Variants in ZNF385D observed in about 807,000 individuals in gnomAD.
ZNF385D encodes the protein zinc finger protein 385D, also known as zinc finger protein 659.
Under a neutral mutation model 35.8 loss-of-function variants are expected in ZNF385D, and 15 were observed. The ratio of observed to expected loss-of-function variants is 0.42; its 90% CI spans 0.28 to 0.64. The LOEUF is 0.64. ZNF385D is among the 30% of genes least tolerant of loss of function. The pLI, the probability that ZNF385D is intolerant of heterozygous loss-of-function variation, is 0.23. For missense variants in ZNF385D, 474 were observed against 494.6 expected, an observed-to-expected ratio of 0.96 and a Z score of 0.39; for synonymous variants, 212 against 186.8, an observed-to-expected ratio of 1.13 and a Z score of -1.10.
chr3:22,069,026 T>C (rs964975201), intron 3 of ZNF385D, among the ~76,000 whole-genome samples: 3 of 152,232 alleles, frequency 2.0e-5, no homozygotes, highest in African/African-American at 7.2e-5. Flanking sequence ...AGTGTTTTAC[T>C]GTCACAAGAT....
intron 1 of ZNF385D, among the ~76,000 whole-genome samples, chr3:21,714,998 GAATAT>G (rs1246420598): frequency 6.6e-5 from 10 of 152,060 alleles, no homozygotes; most frequent in Non-Finnish European, 1.3e-4. Context: ...CAAAATTCCT[GAATAT>G]AATACAGGAT....
intron 4 of ZNF385D, among the ~76,000 whole-genome samples, chr3:21,458,703 C>A (rs1462711925): frequency 6.6e-6 from 1 of 151,220 alleles, no homozygotes; most frequent in Non-Finnish European, 1.5e-5. Context: ...CACAAAATAC[C>A]AGGTATTCTG....
At chr3:21,849,605 C>CTTTTTTTTTTTTT (rs3073866) in intron 3 of ZNF385D, 1 of 108,202 alleles carries the variant, frequency 9.2e-6, no homozygotes, top group Admixed American at 1.1e-4. Context: ...AAACCCATTT[C>CTTTTTTTTTTTTT]TTTTTTTTTT....
intron 4 of ZNF385D, 26 bp from the exon 5 acceptor site, chr3:21,437,229 AG>A: frequency 6.3e-7 from 1 of 1,587,562 alleles, no homozygotes; most frequent in Non-Finnish European, 8.6e-7. Flanking sequence ...CACAGAAAAA[AG>A]GGGGAAAAAC....
intron 2 of ZNF385D, among the ~76,000 whole-genome samples, chr3:22,255,904 T>C (rs1700290615): frequency 6.6e-6 from 1 of 151,688 alleles, no homozygotes; most frequent in African/African-American, 2.4e-5. Context: ...TGGGTGTGTC[T>C]GTGAGGGTGT....
Position 22,308,893 on chromosome 3 carries a change from A to G in ZNF385D, c.106+63557T>C, listed in dbSNP as rs564105831. Among the ~76,000 whole-genome samples, 32 of 152,246 alleles carry G rather than the reference A, an allele frequency of 2.1e-4. No homozygotes were observed. The South Asian group carries it at 6.6e-3, about 32-fold the overall frequency. On this transcript the variant is annotated intron_variant, in intron 2 of 5. Coordinates refer to the ZNF385D transcript ENST00000494108. ...ACAAATACAGCCAAAATCCTTCTGC[A>G]GATTGCAAGTTAATAAATTTGAAAA...
chr3:21,778,985 T>C lies in ZNF385D; in HGVS notation c.326-113957A>G, dbSNP rs1295620376. Among the ~76,000 whole-genome samples, 2 of 152,026 alleles carry C rather than the reference T, an allele frequency of 1.3e-5. 1 individual carries two copies. ...GCAGTGAGAACTAAATTTTGCCCCA[T>C]GGAGAACCAGGTTGGAAAAGGAGAT... On this transcript the variant is annotated intron_variant, in intron 3 of 5. Coordinates refer to the ZNF385D transcript ENST00000494108.
chr3:22,000,950 C>A (rs1695802431), intron 3 of ZNF385D, among the ~76,000 whole-genome samples: 1 of 150,210 alleles, frequency 6.7e-6, no homozygotes, highest in South Asian at 2.1e-4. Flanking sequence ...TATCTGCCAT[C>A]ATAAAAATAT....
chr3:21,635,237 C>T (rs1186773347), intron 2 of ZNF385D, among the ~76,000 whole-genome samples: 1 of 151,974 alleles, frequency 6.6e-6, no homozygotes, highest in African/African-American at 2.4e-5. Flanking sequence ...ATGTGTTCCA[C>T]AAATGTCATT....
intron 3 of ZNF385D, among the ~76,000 whole-genome samples, chr3:22,046,641 T>C (rs1451260039): frequency 3.3e-5 from 5 of 152,166 alleles, no homozygotes; most frequent in African/African-American, 4.8e-5. Flanking sequence ...TTGAGATTTA[T>C]TGAATTACAT....
intron 2 of ZNF385D, among the ~76,000 whole-genome samples, chr3:22,332,302 G>A (rs1694975600): frequency 6.6e-6 from 1 of 152,226 alleles, no homozygotes; most frequent in Admixed American, 6.5e-5. Flanking sequence ...TAGTGAGTCA[G>A]TTTTCAGTAA....
intron 3 of ZNF385D, among the ~76,000 whole-genome samples, chr3:21,764,340 C>T (rs1249593536): frequency 2.0e-5 from 3 of 152,116 alleles, no homozygotes; most frequent in Non-Finnish European, 2.9e-5. Context: ...ATTTGAAAAA[C>T]CACAAAGGAT....
In ZNF385D at chr3:22,166,254, T is replaced by C. The variant is rs368684437; in HGVS notation, c.325+2563A>G. On this transcript the variant is annotated intron_variant, in intron 3 of 5. Coordinates refer to the ZNF385D transcript ENST00000494108. ...TACTAACATGACGATACTTAAAACG[T>C]CTTGGGGAAAAAATCTGAATAGGAA... Among the ~76,000 whole-genome samples, 3 of 133,946 alleles carry C rather than the reference T, an allele frequency of 2.2e-5. No individual in the cohort carries two copies. In the South Asian group the frequency reaches 7.3e-4, roughly 32 times the overall value. The allele number at this position is 133,946 out of a possible 152,430, so 87.9% of individuals were successfully genotyped here.
chr3:21,512,145 C>CAA (rs35276805), intron 3 of ZNF385D, among the ~76,000 whole-genome samples: 26,836 of 89,954 alleles, frequency 0.3, 4,607 homozygotes, highest in East Asian at 0.52. Flanking sequence ...GACTCCATCT[C>CAA]AAAAAAAAAA....
intron 2 of ZNF385D, among the ~76,000 whole-genome samples, chr3:22,351,981 T>C (rs1190998892): frequency 6.6e-6 from 1 of 152,162 alleles, no homozygotes; most frequent in Non-Finnish European, 1.5e-5. Flanking sequence ...TTTGTATCAT[T>C]ACCTCATACC....
intron 3 of ZNF385D, among the ~76,000 whole-genome samples, chr3:21,512,145 C>CAAAAAAAAAAAA (rs35276805): frequency 1.1e-5 from 1 of 90,330 alleles, no homozygotes; most frequent in African/African-American, 4.5e-5. Context: ...GACTCCATCT[C>CAAAAAAAAAAAA]AAAAAAAAAA....
chr3:21,977,751 G>A (rs116788249), intron 3 of ZNF385D, among the ~76,000 whole-genome samples: 7 of 152,100 alleles, frequency 4.6e-5, no homozygotes, highest in African/African-American at 7.2e-5. Context: ...CAAGAGGATC[G>A]CTTGAGCCCA....
At chr3:21,592,879 G>C (rs959795238) in intron 2 of ZNF385D, among the ~76,000 whole-genome samples, 1 of 152,156 alleles carries the variant, frequency 6.6e-6, no homozygotes, top group East Asian at 1.9e-4. Flanking sequence ...CAAATGGAAA[G>C]GTGGTGGATC....
chr3:21,825,159 T>C (rs1694517941), intron 3 of ZNF385D, among the ~76,000 whole-genome samples: 1 of 152,158 alleles, frequency 6.6e-6, no homozygotes, highest in Admixed American at 6.5e-5. Context: ...TGAATGCACA[T>C]ACAAACGCAA....
Sources: allele counts gnomAD v4.1 joint callset (sites outside exome capture counted in the v4.1 genomes callset), GRCh38; gene constraint gnomAD v4.1.1; transcripts MANE v1.5; gene names NCBI Gene and HGNC (gene_info 2026-07-23, HGNC 2026-07-21).